Variants in GTF2A1L observed in about 807,000 individuals in gnomAD.
The protein encoded by GTF2A1L is general transcription factor IIA subunit 1 like.
A neutral mutation model predicts 49.7 loss-of-function variants in GTF2A1L; 48 were observed. That is an observed-to-expected ratio of 0.97 (90% CI 0.77 to 1.23). The LOEUF (loss-of-function observed/expected upper bound fraction) is 1.23, where lower values mean the gene tolerates loss of function less well. Among genes scored for constraint, GTF2A1L ranks in the 50% most tolerant of loss-of-function variants. The pLI, the probability that GTF2A1L is intolerant of heterozygous loss-of-function variation, is 0.00. For missense variants in GTF2A1L, 736 were observed against 564.8 expected (o/e 1.30, Z -3.07); for synonymous variants, 246 against 193.5 (o/e 1.27, Z -2.25).
At chr2:48,626,081 G>A (rs1393210148) in intron 3 of GTF2A1L, among the ~76,000 whole-genome samples, 1 of 143,838 alleles carries the variant, frequency 7.0e-6, no homozygotes, top group African/African-American at 2.5e-5. Flanking sequence ...ATTCTTTTGT[G>A]TGTGGAAATT....
At chr2:48,644,500 G>T (rs1008263751) in intron 4 of GTF2A1L, among the ~76,000 whole-genome samples, 12 of 152,106 alleles carry the variant, frequency 7.9e-5, no homozygotes, top group African/African-American at 2.7e-4. Flanking sequence ...TATTGATTAT[G>T]CTTGTGTATA....
At position 48,669,813 on chromosome 2, in the gene GTF2A1L, C is replaced by G. The variant is rs746670770; in HGVS notation, c.1070C>G (p.Ser357Cys). The G allele has an allele frequency of 6.2e-7, 1 of 1,613,878 alleles. No homozygotes were observed. The change falls in exon 7 of 9, where the codon TCC (serine) becomes TGC (cysteine). Residue 357 changes from serine to cysteine, a missense_variant. Transcript: ENST00000403751. ...GTAGATGGAAGCGGTGATACATCTTCCAATGAAGAAATAGGAAGTACAAGA... is the reference window on the plus strand; with the variant it reads ...GTAGATGGAAGCGGTGATACATCTTGCAATGAAGAAATAGGAAGTACAAGA... ...IQVDGSGDTSSNEEIGSTRDA... is the reference protein window; with the variant it reads ...IQVDGSGDTSCNEEIGSTRDA...
chr2:48,627,920 T>A (rs1321310502), intron 3 of GTF2A1L, among the ~76,000 whole-genome samples: 1 of 143,658 alleles, frequency 7.0e-6, no homozygotes, highest in Non-Finnish European at 1.6e-5. Flanking sequence ...TGTTGGCATC[T>A]TTATGTCCAT....
intron 6 of GTF2A1L, among the ~76,000 whole-genome samples, chr2:48,659,903 C>T (rs1678390779): frequency 6.6e-6 from 1 of 152,100 alleles, no homozygotes; most frequent in Admixed American, 6.6e-5. Flanking sequence ...GAATTTTCTA[C>T]ATATAAAGGC....
At chr2:48,631,632 C>T (rs1377628718) in intron 3 of GTF2A1L, among the ~76,000 whole-genome samples, 1 of 151,750 alleles carries the variant, frequency 6.6e-6, no homozygotes, top group Non-Finnish European at 1.5e-5. Context: ...ATCATTGATT[C>T]TTTGTATGGA....
intron 4 of GTF2A1L, among the ~76,000 whole-genome samples, chr2:48,643,220 T>C (rs1286683542): frequency 2.0e-5 from 3 of 152,228 alleles, no homozygotes; most frequent in African/African-American, 7.2e-5. Context: ...AGCTTGTTTA[T>C]ATTTTCCCCC....
At chr2:48,663,835 A>G (rs1572762954) in intron 6 of GTF2A1L, among the ~76,000 whole-genome samples, 1 of 151,800 alleles carries the variant, frequency 6.6e-6, no homozygotes, top group African/African-American at 2.4e-5. Context: ...TTGGTCTTGA[A>G]CTCCTGAACT....
intron 8 of GTF2A1L, among the ~76,000 whole-genome samples, chr2:48,678,643 G>A (rs190343567): frequency 2.6e-5 from 4 of 152,116 alleles, no homozygotes; most frequent in Non-Finnish European, 5.9e-5. Flanking sequence ...TATTGTGTCT[G>A]TGTCTAGGCT....
rs779728686 is a variant in GTF2A1L at position 48,669,976 on chromosome 2, A to G, written c.1233A>G (p.Val411=). 6.2e-7 allele frequency: 1 copy of G among 1,609,888 alleles called. No homozygotes were observed. The highest frequency in any genetic ancestry group is 8.5e-7 in the Non-Finnish European group (1 of 1,177,924). The change falls in exon 7 of 9, where the codon GTA becomes GTG. Residue 411 remains valine (V), a synonymous_variant. Coordinates refer to ENST00000403751, the MANE Select transcript of GTF2A1L (RefSeq NM_006872.5). ...SDNEDPQVNI[V]EEDPLNSGDD... The stretch of plus-strand genomic sequence containing the variant: ...ATGAAGACCCTCAAGTAAACATTGT[A>G]GAAGAGGTGAGGATGACTTTTGAGC...
intron 8 of GTF2A1L, among the ~76,000 whole-genome samples, chr2:48,677,668 G>C (rs1302027022): frequency 1.3e-5 from 2 of 151,898 alleles, no homozygotes; most frequent in Non-Finnish European, 2.9e-5. Context: ...TGTTGTCAGG[G>C]AACAAGGGTA....
At chr2:48,630,137 T>C (rs1266902560) in intron 3 of GTF2A1L, among the ~76,000 whole-genome samples, 1 of 144,282 alleles carries the variant, frequency 6.9e-6, no homozygotes, top group East Asian at 1.9e-4. Flanking sequence ...GAACAGTTTT[T>C]TTCTAGTTCT....
chr2:48,633,755 T>A (rs1558712732), intron 3 of GTF2A1L, among the ~76,000 whole-genome samples: 1 of 152,218 alleles, frequency 6.6e-6, no homozygotes, highest in Non-Finnish European at 1.5e-5. Context: ...CCCACCATTA[T>A]CGTATGGCTG....
chr2:48,652,077 A>G (rs1677882808), intron 6 of GTF2A1L, among the ~76,000 whole-genome samples: 1 of 152,158 alleles, frequency 6.6e-6, no homozygotes, highest in African/African-American at 2.4e-5. Context: ...GTTGAGAATG[A>G]TAACTCTTTT....
intron 6 of GTF2A1L, among the ~76,000 whole-genome samples, chr2:48,658,248 A>T (rs1046270096): frequency 6.6e-6 from 1 of 152,118 alleles, no homozygotes; most frequent in African/African-American, 2.4e-5. Flanking sequence ...TTACATTTAA[A>T]TCTTCAATCC....
chr2:48,654,798 C>A (rs1223050716), intron 6 of GTF2A1L, among the ~76,000 whole-genome samples: 1 of 152,166 alleles, frequency 6.6e-6, no homozygotes, highest in East Asian at 1.9e-4. Context: ...AAGCACTTCA[C>A]CTTTAGTGAA....
chr2:48,646,898 C>A lies in GTF2A1L; in HGVS notation c.834C>A (p.Ser278=). 6.2e-7 allele frequency: 1 copy of A among 1,614,126 alleles called. No homozygotes were observed. The highest frequency in any genetic ancestry group is 8.5e-7 in the Non-Finnish European group (1 of 1,180,014). ...ASMAQNLHDE[S]LSTSPHGALH... is the part of the protein sequence containing the mutation. ...TGGCTCAAAATCTGCATGATGAGTC[C>A]CTCTCCACAAGCCCTCATGGGGCTC... The change falls in exon 6 of 9, where the codon TCC becomes TCA. Residue 278 remains serine, a synonymous_variant. Transcript: ENST00000403751.
intron 6 of GTF2A1L, among the ~76,000 whole-genome samples, chr2:48,647,286 A>G (rs1457807362): frequency 6.6e-6 from 1 of 152,178 alleles, no homozygotes; most frequent in Non-Finnish European, 1.5e-5. Flanking sequence ...ATATACATTC[A>G]CATGTGGTAC....
intron 6 of GTF2A1L, among the ~76,000 whole-genome samples, chr2:48,649,132 C>A (rs1338842218): frequency 6.6e-6 from 1 of 152,074 alleles, no homozygotes; most frequent in Non-Finnish European, 1.5e-5. Context: ...GTTCTATTTT[C>A]TTTGTCTGAA....
chr2:48,640,242 G>T (rs1170251413), intron 3 of GTF2A1L, among the ~76,000 whole-genome samples: 3 of 151,822 alleles, frequency 2.0e-5, no homozygotes, highest in African/African-American at 7.2e-5. Context: ...AGACGCATGC[G>T]AATGTTCATT....
Sources: gnomAD v4.1 joint callset for allele counts (sites outside exome capture counted in the v4.1 genomes callset) on GRCh38, gnomAD v4.1.1 for gene constraint, MANE v1.5 for transcripts, NCBI Gene and HGNC (gene_info 2026-07-23, HGNC 2026-07-21) for gene names.